The following MIR2052HG variants were observed in gnomAD, a reference collection of about 807,000 sequenced individuals.
MIR2052HG encodes MIR2052 host gene.
At chr8:74,610,741 G>T (rs1012571534) in intron 1 of MIR2052HG, among the ~76,000 whole-genome samples, 10 of 151,912 alleles carry the variant, frequency 6.6e-5, no homozygotes, top group East Asian at 3.8e-4. Flanking sequence ...GAACAGATAG[G>T]TTTTTCAATA....
chr8:74,604,796 A>T (rs947579407), intron 1 of MIR2052HG, among the ~76,000 whole-genome samples: 1 of 151,660 alleles, frequency 6.6e-6, no homozygotes, highest in African/African-American at 2.4e-5. Context: ...GTTTCACCAC[A>T]TTAGTCAGGC....
At chr8:74,662,680 A>T (rs971994707) in intron 2 of MIR2052HG, among the ~76,000 whole-genome samples, 1 of 152,168 alleles carries the variant, frequency 6.6e-6, no homozygotes, top group Non-Finnish European at 1.5e-5. Flanking sequence ...TTAAGTTAAG[A>T]ATTTTTCTGT....
At chr8:74,664,231 G>A (rs1808896709) in intron 2 of MIR2052HG, among the ~76,000 whole-genome samples, 1 of 151,114 alleles carries the variant, frequency 6.6e-6, no homozygotes, top group Admixed American at 6.6e-5. Flanking sequence ...CACCACTATT[G>A]TCCATGTAAC....
At chr8:74,666,466 T>C (rs1193765726) in intron 2 of MIR2052HG, among the ~76,000 whole-genome samples, 1 of 152,188 alleles carries the variant, frequency 6.6e-6, no homozygotes, top group East Asian at 1.9e-4. Flanking sequence ...CTATTGCCTT[T>C]GTTTATTTGT....
At chr8:74,622,315 A>C (rs1473361617) in intron 2 of MIR2052HG, among the ~76,000 whole-genome samples, 1 of 152,226 alleles carries the variant, frequency 6.6e-6, no homozygotes, top group Non-Finnish European at 1.5e-5. Context: ...ATATGAAAAA[A>C]AATGTTGGCT....
At chr8:74,642,544 A>T (rs1424405200) in intron 2 of MIR2052HG, among the ~76,000 whole-genome samples, 2 of 152,164 alleles carry the variant, frequency 1.3e-5, no homozygotes, top group Non-Finnish European at 2.9e-5. Flanking sequence ...ATTACTGTTA[A>T]TGATTTTAAG....
chr8:74,719,746 A>G (rs1309829677), intron 4 of MIR2052HG, among the ~76,000 whole-genome samples: 1 of 151,186 alleles, frequency 6.6e-6, no homozygotes, highest in African/African-American at 2.4e-5. Context: ...CTCATCTGTT[A>G]GACAGCCTTA....
rs1378790118 is a variant in MIR2052HG, at chr8:74,674,523, A to C, written n.217-27856A>C. 3.9e-5 allele frequency among the ~76,000 whole-genome samples: 6 copies of C among 152,090 alleles called. No homozygotes were observed. The East Asian group carries it at 1.2e-3, about 29-fold the overall frequency. On this transcript the variant is annotated intron_variant and non_coding_transcript_variant, in intron 2 of 6. Coordinates refer to ENST00000523442, the Ensembl canonical transcript of MIR2052HG. ...CATTTCTACTAACAAGTTGGATCCT[A>C]ATCAGATGACTTCATTTTTCCTACC... is the stretch of plus-strand genomic sequence containing the variant.
At chr8:74,606,216 G>A (rs1381512490) in intron 1 of MIR2052HG, among the ~76,000 whole-genome samples, 1 of 152,192 alleles carries the variant, frequency 6.6e-6, no homozygotes, top group Non-Finnish European at 1.5e-5. Context: ...GATATAGCTT[G>A]CCACAGTATC....
intron 2 of MIR2052HG, among the ~76,000 whole-genome samples, chr8:74,689,818 T>C (rs557369109): frequency 6.6e-6 from 1 of 152,196 alleles, no homozygotes; most frequent in Admixed American, 6.5e-5. Context: ...AAATGTTTTA[T>C]GCATCTCTCA....
intron 2 of MIR2052HG, among the ~76,000 whole-genome samples, chr8:74,614,416 C>A (rs1051929320): frequency 3.3e-5 from 5 of 152,082 alleles, no homozygotes; most frequent in Non-Finnish European, 5.9e-5. Flanking sequence ...CTGGTCCTTG[C>A]TTTTATAATT....
intron 2 of MIR2052HG, among the ~76,000 whole-genome samples, chr8:74,662,672 A>G (rs183018775): frequency 9.2e-5 from 14 of 152,304 alleles, no homozygotes; most frequent in African/African-American, 3.1e-4. Context: ...ATTGCTATTT[A>G]AGTTAAGAAT....
At chr8:74,712,384 C>T (rs1180771394) in intron 4 of MIR2052HG, among the ~76,000 whole-genome samples, 1 of 152,102 alleles carries the variant, frequency 6.6e-6, no homozygotes, top group African/African-American at 2.4e-5. Context: ...GCTAAAGAAA[C>T]TTAAAAATGG....
At chr8:74,747,570 C>T (rs1260417777) in intron 4 of MIR2052HG, among the ~76,000 whole-genome samples, 3 of 152,126 alleles carry the variant, frequency 2.0e-5, no homozygotes, top group South Asian at 2.1e-4. Context: ...GTGTTATTCT[C>T]TGAGTAACAT....
intron 1 of MIR2052HG, chr8:74,612,753 A>C (rs548392133): frequency 1.6e-5 from 6 of 380,920 alleles, no homozygotes; most frequent in Non-Finnish European, 3.1e-5. Flanking sequence ...TATTGCTTTT[A>C]ATACATTTTA....
chr8:74,670,543 T>A (rs1808980374), intron 2 of MIR2052HG, among the ~76,000 whole-genome samples: 1 of 152,112 alleles, frequency 6.6e-6, no homozygotes, highest in Admixed American at 6.6e-5. Context: ...AGCACTAAAT[T>A]TTGGCAGTTG....
rs117735405 is a variant in MIR2052HG, at chr8:74,725,089, G to C, written n.371+21407G>C. Among the ~76,000 whole-genome samples the C allele has an allele frequency of 1.7e-4, 26 of 152,040 alleles. 1 individual carries two copies. In the East Asian group the frequency reaches 4.6e-3, roughly 27 times the overall value. On this transcript the variant is annotated intron_variant and non_coding_transcript_variant, in intron 4 of 6. Transcript: ENST00000523442. The stretch of plus-strand genomic sequence containing the variant: ...AACAAAAGAAGAATAGAAGAATATA[G>C]AATGGAGAAGCTTGCTCAAACTCCA...
intron 4 of MIR2052HG, among the ~76,000 whole-genome samples, chr8:74,712,446 C>T (rs2128741854): frequency 6.7e-6 from 1 of 149,746 alleles, no homozygotes; most frequent in East Asian, 1.9e-4. Context: ...GAAATCATAA[C>T]ATTTGGAATA....
intron 2 of MIR2052HG, among the ~76,000 whole-genome samples, chr8:74,668,627 G>A (rs1808957783): frequency 6.6e-6 from 1 of 152,130 alleles, no homozygotes; most frequent in African/African-American, 2.4e-5. Flanking sequence ...GTGGAATGTT[G>A]TGATGTGCCA....
Sources: allele counts gnomAD v4.1 joint callset (sites outside exome capture counted in the v4.1 genomes callset), GRCh38; gene constraint gnomAD v4.1.1; transcripts MANE v1.5; gene names NCBI Gene and HGNC (gene_info 2026-07-23, HGNC 2026-07-21).